Variants in PCDH17 observed in about 807,000 individuals in gnomAD.
The protein encoded by PCDH17 is protocadherin 17.
A neutral mutation model predicts 67.7 loss-of-function variants in PCDH17; 21 were observed. That is an observed-to-expected ratio of 0.31 (90% CI 0.22 to 0.45). The LOEUF is 0.45. Among genes scored for constraint, PCDH17 ranks in the 20% least tolerant of loss-of-function variants. PCDH17 has a pLI of 1.00. For synonymous variants in PCDH17, 701 were observed against 656.7 expected (o/e 1.07, Z -1.03); for missense variants, 1,471 against 1,564.8 (o/e 0.94, Z 1.01).
At chr13:57,723,861 G>A (rs561996959) in intron 3 of PCDH17, among the ~76,000 whole-genome samples, 2 of 152,198 alleles carry the variant, frequency 1.3e-5, no homozygotes, top group South Asian at 4.1e-4. Context: ...CCCACAGAAA[G>A]CATTATTATT....
intron 1 of PCDH17, among the ~76,000 whole-genome samples, chr13:57,659,967 T>C (rs1955162195): frequency 2.6e-5 from 4 of 152,152 alleles, no homozygotes; most frequent in Non-Finnish European, 5.9e-5. Context: ...GTTCGGTGGC[T>C]TATGCCTGTA....
At chr13:57,662,115 C>A (rs1381069796) in intron 1 of PCDH17, among the ~76,000 whole-genome samples, 2 of 152,158 alleles carry the variant, frequency 1.3e-5, no homozygotes, top group East Asian at 1.9e-4. Flanking sequence ...GATCCACCCA[C>A]CTTACCCTCC....
chr13:57,650,527 A>T (rs1341179819), intron 1 of PCDH17, among the ~76,000 whole-genome samples: 1 of 152,172 alleles, frequency 6.6e-6, no homozygotes. Context: ...CAACTATTAC[A>T]AACTCCTGAT....
intron 1 of PCDH17, among the ~76,000 whole-genome samples, chr13:57,640,231 T>C (rs986105332): frequency 2.4e-4 from 37 of 152,036 alleles, no homozygotes; most frequent in African/African-American, 7.7e-4. Flanking sequence ...TTATGTACTA[T>C]AACACAATAG....
chr13:57,632,236 G>A lies in PCDH17; in HGVS notation c.-311G>A, dbSNP rs1021439693. Reference sequence around the variant, plus strand: ...CTCAAGTTTGAGCCTCCCGAAGTCCGGGCGGGAGAGACGAAACCCCTGGCT... The same window carrying A: ...CTCAAGTTTGAGCCTCCCGAAGTCCAGGCGGGAGAGACGAAACCCCTGGCT... On this transcript the variant is annotated 5_prime_UTR_variant, in exon 1 of 4. Coordinates refer to ENST00000377918, the MANE Select transcript of PCDH17 (RefSeq NM_001040429.3). 2.1e-5 allele frequency: 9 copies of A among 423,540 alleles called. No homozygotes were observed. Among genetic ancestry groups the A allele is most frequent in the East Asian group, 1.8e-4 (4 of 22,700 alleles). 26.2% of individuals were successfully genotyped at this position (423,540 alleles called of 1,614,324 possible).
chr13:57,710,849 G>A (rs1165576080), intron 3 of PCDH17, among the ~76,000 whole-genome samples: 1 of 151,952 alleles, frequency 6.6e-6, no homozygotes, highest in East Asian at 1.9e-4. Flanking sequence ...GTATGGAAAT[G>A]AATGGAAACT....
rs1954762602 is a variant in PCDH17 at position 57,633,533 on chromosome 13, C to T, written c.987C>T (p.Asn329=). 3 of 1,613,748 alleles carry T rather than the reference C, an allele frequency of 1.9e-6. No individual in the cohort carries two copies. The highest frequency in any genetic ancestry group is 1.7e-6 in the Non-Finnish European group (2 of 1,180,034). ...TGCAGGCCCGAGACCTGGGGCCTAACCCTATCCCAGCCCACTGCAAAGTCA... is the reference window on the plus strand; with the variant it reads ...TGCAGGCCCGAGACCTGGGGCCTAATCCTATCCCAGCCCACTGCAAAGTCA... The part of the protein sequence containing the change: ...IDVQARDLGP[N]PIPAHCKVTV... Residue 329 remains asparagine, a synonymous_variant, in exon 1 of 4, where the codon AAC becomes AAT. Transcript: ENST00000377918. This position sits in a 1 kb window ranked among gnomAD's most constrained non-coding sequence, Gnocchi z 6.2.
intron 1 of PCDH17, among the ~76,000 whole-genome samples, chr13:57,662,343 A>T (rs905903881): frequency 6.6e-6 from 1 of 152,212 alleles, no homozygotes; most frequent in South Asian, 2.1e-4. Context: ...ACATGCATAC[A>T]TTATTTGGGG....
intron 3 of PCDH17, among the ~76,000 whole-genome samples, chr13:57,680,580 AT>A (rs994116495): frequency 5.9e-4 from 88 of 149,136 alleles, no homozygotes; most frequent in Middle Eastern, 6.8e-3. Context: ...CTTTAGAATG[AT>A]TTTTTTTTTA....
chr13:57,721,867 ATTTACC>A (rs1955874563), intron 3 of PCDH17, among the ~76,000 whole-genome samples: 1 of 151,438 alleles, frequency 6.6e-6, no homozygotes, highest in Non-Finnish European at 1.5e-5. Context: ...TTCTTTCTGT[ATTTACC>A]TATTCATCCA....
intron 3 of PCDH17, among the ~76,000 whole-genome samples, chr13:57,668,932 G>A (rs929109681): frequency 6.6e-5 from 10 of 152,030 alleles, no homozygotes; most frequent in Non-Finnish European, 1.5e-4. Flanking sequence ...ATGTTGGTGT[G>A]CTGTACCCAT....
At chr13:57,672,422 CT>C (rs1955333705) in intron 3 of PCDH17, among the ~76,000 whole-genome samples, 1 of 151,992 alleles carries the variant, frequency 6.6e-6, no homozygotes, top group Admixed American at 6.6e-5. Flanking sequence ...TCAACTCTCC[CT>C]TTCTAATTCC....
intron 1 of PCDH17, among the ~76,000 whole-genome samples, chr13:57,666,253 G>T (rs1043721394): frequency 1.3e-5 from 2 of 152,062 alleles, no homozygotes; most frequent in Admixed American, 6.6e-5. Flanking sequence ...CAGGCTCATT[G>T]TTTACTTTAA....
intron 3 of PCDH17, among the ~76,000 whole-genome samples, chr13:57,709,437 C>T (rs1230254206): frequency 6.6e-6 from 1 of 151,664 alleles, no homozygotes; most frequent in East Asian, 1.9e-4. Flanking sequence ...TTACTTTGCA[C>T]TGTTTTCATC....
chr13:57,671,166 T>C (rs1374774752), intron 3 of PCDH17, among the ~76,000 whole-genome samples: 1 of 151,886 alleles, frequency 6.6e-6, no homozygotes, highest in East Asian at 1.9e-4. Context: ...GGAAGGTAGA[T>C]TAAAAAATTC....
intron 3 of PCDH17, among the ~76,000 whole-genome samples, chr13:57,676,163 G>A (rs1342508076): frequency 6.6e-6 from 1 of 150,502 alleles, no homozygotes; most frequent in Non-Finnish European, 1.5e-5. Flanking sequence ...ATGCTTATAT[G>A]TTTATTAGAA....
chr13:57,692,856 A>C (rs1471631880), intron 3 of PCDH17, among the ~76,000 whole-genome samples: 1 of 151,160 alleles, frequency 6.6e-6, no homozygotes, highest in Non-Finnish European at 1.5e-5. Context: ...TATATTATGT[A>C]TTTTCAGCAG....
At chr13:57,688,264 G>C in intron 3 of PCDH17, among the ~76,000 whole-genome samples, 1 of 151,896 alleles carries the variant, frequency 6.6e-6, no homozygotes, top group East Asian at 1.9e-4. Flanking sequence ...GTGATCACAA[G>C]ACTGCACTCC....
chr13:57,631,660 CGGG>C (rs143389923), upstream of PCDH17: 1,515 of 152,494 alleles, frequency 9.9e-3, 15 homozygotes, highest in Non-Finnish European at 0.017. Flanking sequence ...TTCTTGATTT[CGGG>C]GGAGAGCCTT....
Sources: gnomAD v4.1 joint callset for allele counts (sites outside exome capture counted in the v4.1 genomes callset) on GRCh38, gnomAD v4.1.1 for gene constraint, Gnocchi (gnomAD v3.1) non-coding constraint, MANE v1.5 for transcripts, NCBI Gene and HGNC (gene_info 2026-07-23, HGNC 2026-07-21) for gene names.